Variants in UTRN observed in about 807,000 individuals in gnomAD.
The protein encoded by UTRN is dystrophin-related protein 1.
A neutral mutation model predicts 463.9 loss-of-function variants in UTRN; 283 were observed. That is an observed-to-expected ratio of 0.61 (90% CI 0.55 to 0.67). The LOEUF (loss-of-function observed/expected upper bound fraction) is 0.67. UTRN is among the 30% of genes least tolerant of loss of function. The probability of loss-of-function intolerance (pLI) is 0.00; values close to 1 mark genes in which losing one functional copy is unlikely to be tolerated. For synonymous variants in UTRN, 1,442 were observed against 1,431.5 expected, an observed-to-expected ratio of 1.01 and a Z score of -0.17; for missense variants, 3,922 against 4,084.3, an observed-to-expected ratio of 0.96 and a Z score of 1.08.
chr6:144,693,699 G>A (rs1783674227), intron 52 of UTRN, among the ~76,000 whole-genome samples: 1 of 152,064 alleles, frequency 6.6e-6, no homozygotes, highest in South Asian at 2.1e-4. Flanking sequence ...CTTGACTGTT[G>A]TTGATGTGTA....
At chr6:144,697,323 G>A (rs1784120232) in intron 52 of UTRN, among the ~76,000 whole-genome samples, 1 of 152,136 alleles carries the variant, frequency 6.6e-6, no homozygotes, top group Non-Finnish European at 1.5e-5. Context: ...TGAAAATCTG[G>A]TTGATCACTA....
intron 65 of UTRN, among the ~76,000 whole-genome samples, chr6:144,807,576 G>A (rs1041473864): frequency 9.9e-5 from 15 of 152,012 alleles, no homozygotes; most frequent in Non-Finnish European, 2.9e-5. Flanking sequence ...GATATTTAAT[G>A]CCTGTCATCA....
At chr6:144,784,465 T>C (rs1776133887) in intron 61 of UTRN, among the ~76,000 whole-genome samples, 2 of 152,220 alleles carry the variant, frequency 1.3e-5, no homozygotes, top group African/African-American at 4.8e-5. Context: ...CTCCTCTTCC[T>C]CTAAGGACAC....
chr6:144,507,654 A>C (rs985391952), intron 34 of UTRN, among the ~76,000 whole-genome samples: 18 of 152,058 alleles, frequency 1.2e-4, no homozygotes, highest in African/African-American at 4.1e-4. Context: ...TCAGAGGGGC[A>C]CTCACAAGAT....
At chr6:144,406,773 T>TA (rs1446625349) in intron 3 of UTRN, among the ~76,000 whole-genome samples, 1 of 152,198 alleles carries the variant, frequency 6.6e-6, no homozygotes, top group Non-Finnish European at 1.5e-5. Context: ...TTCCTTTTTT[T>TA]AAAAAACACA....
At chr6:144,319,568 G>T (rs1584265578) in intron 2 of UTRN, among the ~76,000 whole-genome samples, 1 of 152,012 alleles carries the variant, frequency 6.6e-6, no homozygotes, top group Non-Finnish European at 1.5e-5. Context: ...TTCAGTTTTT[G>T]GTCCCAAGTT....
At chr6:144,670,416 G>A (rs1780890309) in intron 51 of UTRN, among the ~76,000 whole-genome samples, 1 of 151,986 alleles carries the variant, frequency 6.6e-6, no homozygotes, top group Non-Finnish European at 1.5e-5. Context: ...TTGGCCATTT[G>A]TGTATCTTCT....
chr6:144,632,545 G>A (rs1461177406), intron 51 of UTRN, among the ~76,000 whole-genome samples: 1 of 151,962 alleles, frequency 6.6e-6, no homozygotes, highest in Non-Finnish European at 1.5e-5. Flanking sequence ...TGACAGCAGA[G>A]ATGTACAATT....
At chr6:144,641,158 C>G (rs1348783847) in intron 51 of UTRN, among the ~76,000 whole-genome samples, 1 of 151,948 alleles carries the variant, frequency 6.6e-6, no homozygotes, top group Non-Finnish European at 1.5e-5. Context: ...GGACATGTAC[C>G]CAAGGTAGTT....
At chr6:144,412,878 A>G (rs1161449454) in intron 3 of UTRN, among the ~76,000 whole-genome samples, 1 of 152,110 alleles carries the variant, frequency 6.6e-6, no homozygotes, top group Non-Finnish European at 1.5e-5. Context: ...TAGAATAATC[A>G]GTGTCGAAGG....
intron 58 of UTRN, among the ~76,000 whole-genome samples, chr6:144,760,798 TG>T (rs1792574856): frequency 6.6e-6 from 1 of 152,206 alleles, no homozygotes; most frequent in East Asian, 1.9e-4. Context: ...CAAATTAGAA[TG>T]TATATGGCTA....
chr6:144,548,139 C>A (rs1313033227), intron 46 of UTRN, among the ~76,000 whole-genome samples: 1 of 151,976 alleles, frequency 6.6e-6, no homozygotes, highest in African/African-American at 2.4e-5. Context: ...AAAAGATATT[C>A]TTTGCAAGTT....
In UTRN at chr6:144,423,979, T is replaced by C. The variant is rs1785081673; in HGVS notation, c.313-7T>C. 1 of 1,612,792 alleles carries C rather than the reference T, an allele frequency of 6.2e-7. No homozygotes were observed. The highest frequency in any genetic ancestry group is 8.5e-7 in the Non-Finnish European group (1 of 1,179,614). The stretch of plus-strand genomic sequence containing the variant: ...TTTTGTTTTTGTTTTTTGTTTTGTC[T>C]TAATAGGTGGAATTAGTGAATATAG... On this transcript the variant is annotated splice_region_variant and splice_polypyrimidine_tract_variant and intron_variant, in intron 5 of 74. Transcript: ENST00000367545.
chr6:144,484,927 T>C, intron 27 of UTRN, among the ~76,000 whole-genome samples: 1 of 151,992 alleles, frequency 6.6e-6, no homozygotes. Flanking sequence ...TTATTTTATT[T>C]TATTTGAGAT....
intron 64 of UTRN, among the ~76,000 whole-genome samples, chr6:144,801,226 C>T (rs150190212): frequency 0.11 from 16,762 of 151,818 alleles, 1,071 homozygotes; most frequent in South Asian, 0.18. Context: ...GAAATATGTC[C>T]AGACTTGATA....
chr6:144,433,264 A>G (rs367675637), intron 9 of UTRN, among the ~76,000 whole-genome samples: 54 of 134,126 alleles, frequency 4.0e-4, no homozygotes, highest in Middle Eastern at 5.3e-3. Context: ...AGGGGCGGCC[A>G]GGCAGAGGCG....
chr6:144,677,007 T>C (rs1429216832), intron 51 of UTRN, among the ~76,000 whole-genome samples: 1 of 152,196 alleles, frequency 6.6e-6, no homozygotes, highest in African/African-American at 2.4e-5. Flanking sequence ...AAATTGCTAA[T>C]TGAATCTGAT....
intron 15 of UTRN, 107 bp downstream of exon 15, chr6:144,447,425 T>A: frequency 7.6e-7 from 1 of 1,313,714 alleles, no homozygotes; most frequent in Non-Finnish European, 1.1e-6. Flanking sequence ...GCTCATTACC[T>A]AGCATTAGAC....
chr6:144,364,892 G>A (rs1182101441), intron 2 of UTRN, among the ~76,000 whole-genome samples: 1 of 152,106 alleles, frequency 6.6e-6, no homozygotes, highest in African/African-American at 2.4e-5. Context: ...CTCGTTGCTC[G>A]CTCTGCTATT....
Sources: allele counts gnomAD v4.1 joint callset (sites outside exome capture counted in the v4.1 genomes callset), GRCh38; gene constraint gnomAD v4.1.1; transcripts MANE v1.5; gene names NCBI Gene and HGNC (gene_info 2026-07-23, HGNC 2026-07-21).